PBX3: variants seen among roughly 807,000 people sequenced by gnomAD.
PBX3 encodes pre-B-cell leukemia transcription factor 3.
A neutral mutation model predicts 48.5 loss-of-function variants in PBX3; 14 were observed. That is an observed-to-expected ratio of 0.29 (90% CI 0.19 to 0.45). The LOEUF (loss-of-function observed/expected upper bound fraction) is 0.45. Among genes scored for constraint, PBX3 ranks in the 20% least tolerant of loss-of-function variants. The pLI is 1.00. For missense variants in PBX3, 386 were observed against 546.7 expected (o/e 0.71, Z 2.93); for synonymous variants, 210 against 200.3 (o/e 1.05, Z -0.41).
At chr9:125,846,901 AT>A (rs112117752) in intron 2 of PBX3, among the ~76,000 whole-genome samples, 531 of 146,644 alleles carry the variant, frequency 3.6e-3, no homozygotes, top group East Asian at 0.011. Flanking sequence ...CTTCTTTTCC[AT>A]TTTTTTTTTA....
At chr9:125,924,996 A>G (rs1808735495) in intron 3 of PBX3, among the ~76,000 whole-genome samples, 2 of 152,196 alleles carry the variant, frequency 1.3e-5, no homozygotes, top group African/African-American at 2.4e-5. Context: ...CTTAACCATA[A>G]AAGTGCTCTT....
intron 2 of PBX3, among the ~76,000 whole-genome samples, chr9:125,783,270 C>T (rs1170650690): frequency 2.0e-5 from 3 of 151,922 alleles, no homozygotes; most frequent in South Asian, 2.1e-4. Context: ...TTCTCTTAGG[C>T]TCTTTTCATT....
intron 2 of PBX3, among the ~76,000 whole-genome samples, chr9:125,859,642 C>T (rs551695300): frequency 5.3e-5 from 8 of 152,286 alleles, no homozygotes; most frequent in African/African-American, 1.7e-4. Context: ...TCAAAACCCA[C>T]AGGATACCAC....
At chr9:125,781,599 G>GC (rs1837318531) in intron 2 of PBX3, among the ~76,000 whole-genome samples, 1 of 145,524 alleles carries the variant, frequency 6.9e-6, no homozygotes, top group South Asian at 2.2e-4. Flanking sequence ...GAGGCGAGAG[G>GC]GAGAGGCAGA....
chr9:125,875,098 C>T (rs1003232760), intron 2 of PBX3, among the ~76,000 whole-genome samples: 1 of 152,168 alleles, frequency 6.6e-6, no homozygotes, highest in Admixed American at 6.5e-5. Context: ...TATCTATCTC[C>T]CTGGCCCATG....
intron 2 of PBX3, among the ~76,000 whole-genome samples, chr9:125,909,625 T>A (rs1841157136): frequency 6.6e-6 from 1 of 152,144 alleles, no homozygotes; most frequent in South Asian, 2.1e-4. Context: ...ATAAGTGTTC[T>A]CTATGTTGCC....
chr9:125,917,536 T>A (rs1032098857), intron 3 of PBX3, among the ~76,000 whole-genome samples: 3 of 152,212 alleles, frequency 2.0e-5, no homozygotes, highest in African/African-American at 7.2e-5. Flanking sequence ...TTCATCCCTC[T>A]CTTCTTTTAT....
In PBX3 at chr9:125,892,918, T is replaced by C. The variant is rs770282901; in HGVS notation, c.275-22768T>C. ...AGGGCTTTGGTTTGGCTTTAATGTC[T>C]TTGCCTCGCTGTGCTCCCCTGTGGC... On this transcript the variant is annotated intron_variant, in intron 2 of 8. Coordinates refer to ENST00000373489, the MANE Select transcript of PBX3 (RefSeq NM_006195.6). Among the ~76,000 whole-genome samples the C allele has an allele frequency of 4.9e-4, 74 of 152,160 alleles. 1 individual carries two copies. Among genetic ancestry groups the C allele is most frequent in the Admixed American group, 4.8e-3 (74 of 15,282 alleles).
intron 2 of PBX3, among the ~76,000 whole-genome samples, chr9:125,755,675 T>G (rs867854757): frequency 6.1e-4 from 89 of 146,332 alleles, no homozygotes; most frequent in African/African-American, 1.7e-3. Flanking sequence ...GAGCTTTGTT[T>G]TTTTTTTTTT....
intron 3 of PBX3, among the ~76,000 whole-genome samples, chr9:125,928,314 G>A (rs2132507886): frequency 6.6e-6 from 1 of 152,200 alleles, no homozygotes; most frequent in East Asian, 1.9e-4. Context: ...AGGGGCTTGA[G>A]GCTGCAATGA....
rs1329260969 is a variant in PBX3 at position 125,807,543 on chromosome 9, C to T, written c.274+58920C>T. Among the ~76,000 whole-genome samples the T allele has an allele frequency of 7.2e-5, 11 of 152,150 alleles. No homozygotes were observed. The East Asian group carries it at 1.7e-3, about 24-fold the overall frequency. ...TAATACTTACAAGTGGCATAACCTG[C>T]GTAAGATTCCTAACCCCTCTAACTT... On this transcript the variant is annotated intron_variant, in intron 2 of 8. Transcript: ENST00000373489.
rs538065719 is a variant in PBX3, at chr9:125,754,831, G to A, written c.274+6208G>A. On this transcript the variant is annotated intron_variant, in intron 2 of 8. Transcript: ENST00000373489. ...AAACTGAATTGGCGTAACTTTTTTTGTATAACTGTCTACGTAATAGTAACA... is the reference window on the plus strand; with the variant it reads ...AAACTGAATTGGCGTAACTTTTTTTATATAACTGTCTACGTAATAGTAACA... Among the ~76,000 whole-genome samples, 324 of 152,106 alleles carry A rather than the reference G, an allele frequency of 2.1e-3. 1 individual carries two copies. The highest frequency in any genetic ancestry group is 7.4e-3 in the African/African-American group (308 of 41,532).
At chr9:125,957,777 A>C (rs1842339931) in intron 5 of PBX3, among the ~76,000 whole-genome samples, 1 of 152,250 alleles carries the variant, frequency 6.6e-6, no homozygotes, top group Non-Finnish European at 1.5e-5. Context: ...ATTTTCATTA[A>C]TTATGCTTAA....
chr9:125,827,945 C>T (rs1414847357), intron 2 of PBX3, among the ~76,000 whole-genome samples: 1 of 152,064 alleles, frequency 6.6e-6, no homozygotes, highest in Non-Finnish European at 1.5e-5. Flanking sequence ...AAGACTGATA[C>T]AGAGGTTTGT....
intron 4 of PBX3, among the ~76,000 whole-genome samples, chr9:125,933,983 G>T (rs1339732627): frequency 6.6e-6 from 1 of 151,978 alleles, no homozygotes; most frequent in African/African-American, 2.4e-5. Flanking sequence ...AATGCTAACT[G>T]TTCTTCTTTT....
In PBX3 at chr9:125,962,208, A is replaced by G. The variant is rs1280773965; in HGVS notation, c.1116A>G (p.Gln372=). 1 of 1,590,944 alleles carries G rather than the reference A, an allele frequency of 6.3e-7. No individual in the cohort carries two copies. Among genetic ancestry groups the G allele is most frequent in the East Asian group, 2.2e-5 (1 of 44,766 alleles). ...YQGSQVGANV[Q]SQVDTLRHVI... ...GGTCCCAAGTCGGAGCCAATGTGCAATCACAGGTAGGAGAAATGCCCCAGT... is the reference window on the plus strand; with the variant it reads ...GGTCCCAAGTCGGAGCCAATGTGCAGTCACAGGTAGGAGAAATGCCCCAGT... Residue 372 remains glutamine, a synonymous_variant, in exon 7 of 9, where the codon CAA becomes CAG. Coordinates refer to ENST00000373489, the MANE Select transcript of PBX3 (RefSeq NM_006195.6).
chr9:125,780,684 CG>C (rs1320881364), intron 2 of PBX3, among the ~76,000 whole-genome samples: 7 of 131,650 alleles, frequency 5.3e-5, no homozygotes, highest in African/African-American at 1.8e-4. Flanking sequence ...GCTGGCCGGG[CG>C]GGGGGCTGAC....
chr9:125,755,672 G>GTTTTT (rs11310993), intron 2 of PBX3, among the ~76,000 whole-genome samples: 124 of 94,972 alleles, frequency 1.3e-3, no homozygotes, highest in Admixed American at 1.7e-3. Context: ...GAGGAGCTTT[G>GTTTTT]TTTTTTTTTT....
intron 2 of PBX3, among the ~76,000 whole-genome samples, chr9:125,794,793 C>T (rs1837729022): frequency 7.3e-6 from 1 of 137,928 alleles, no homozygotes; most frequent in African/African-American, 2.6e-5. Context: ...CCAAAGATAA[C>T]AAGGTTGGGC....
Sources: allele counts gnomAD v4.1 joint callset (sites outside exome capture counted in the v4.1 genomes callset), GRCh38; gene constraint gnomAD v4.1.1; transcripts MANE v1.5; gene names NCBI Gene and HGNC (gene_info 2026-07-23, HGNC 2026-07-21).